The following SLC6A15 variants were observed in gnomAD, a reference collection of about 807,000 sequenced individuals.
SLC6A15 encodes sodium-dependent neutral amino acid transporter B(0)AT2.
Under a neutral mutation model 68.5 loss-of-function variants are expected in SLC6A15, and 33 were observed. The observed-to-expected ratio is 0.48, with a 90% CI of 0.37 to 0.64. The LOEUF is 0.64. Ranked by LOEUF, SLC6A15 falls within the 30% of genes least tolerant of loss-of-function variation. SLC6A15 has a pLI of 0.00. For synonymous variants in SLC6A15, 347 were observed against 301.0 expected (o/e 1.15, Z -1.58); for missense variants, 747 against 874.3 (o/e 0.85, Z 1.84).
At position 84,862,098 on chromosome 12, in the gene SLC6A15, A is replaced by C. The variant is rs577656550; in HGVS notation, c.1819-92T>G. 3.4e-5 allele frequency: 45 copies of C among 1,329,548 alleles called. No homozygotes were observed. The Admixed American group carries it at 8.9e-4, about 26-fold the overall frequency. The allele number at this position is 1,329,548 out of a possible 1,614,324, so 82.4% of individuals were successfully genotyped here. ...CTTGCTTCAAGTTTGTAAGCAAAGA[A>C]TCTGGGCTGGCTTTGTGACTTGCTT... is the stretch of plus-strand genomic sequence containing the variant. On this transcript the variant is annotated intron_variant, in intron 11 of 11. Coordinates refer to ENST00000266682, the MANE Select transcript of SLC6A15 (RefSeq NM_182767.6).
At chr12:84,885,306 A>T (rs2120643049) in intron 4 of SLC6A15, 129 bp downstream of exon 4, 2 of 882,976 alleles carry the variant, frequency 2.3e-6, no homozygotes, top group South Asian at 2.5e-5. Flanking sequence ...ATGTGAGCAA[A>T]GTCTGTTATA....
chr12:84,886,519 C>T (rs1872109357), intron 2 of SLC6A15, among the ~76,000 whole-genome samples: 1 of 150,486 alleles, frequency 6.6e-6, no homozygotes, highest in African/African-American at 2.4e-5. Flanking sequence ...GATTTTATGG[C>T]ATTAACGTTG....
chr12:84,895,132 T>C (rs573352815), intron 1 of SLC6A15, among the ~76,000 whole-genome samples: 3 of 152,022 alleles, frequency 2.0e-5, no homozygotes, highest in Non-Finnish European at 4.4e-5. Context: ...AGGGGAAGAA[T>C]TGTAATTAAC....
chr12:84,901,690 C>T (rs1203571023), intron 1 of SLC6A15, among the ~76,000 whole-genome samples: 2 of 151,680 alleles, frequency 1.3e-5, no homozygotes, highest in African/African-American at 4.8e-5. Context: ...CTGCATCTGA[C>T]ATATATGATG....
At chr12:84,886,649 T>C (rs978296280) in intron 2 of SLC6A15, among the ~76,000 whole-genome samples, 1 of 150,738 alleles carries the variant, frequency 6.6e-6, no homozygotes, top group African/African-American at 2.4e-5. Flanking sequence ...TTCCCATAAA[T>C]ACTACATAAA....
chr12:84,875,444 C>T (rs1053446889), intron 6 of SLC6A15, among the ~76,000 whole-genome samples: 2 of 151,664 alleles, frequency 1.3e-5, no homozygotes, highest in Non-Finnish European at 2.9e-5. Flanking sequence ...GCTTCTTTTA[C>T]GCAGTATCAA....
chr12:84,870,277 C>T (rs1871229798), intron 9 of SLC6A15, among the ~76,000 whole-genome samples: 1 of 148,680 alleles, frequency 6.7e-6, no homozygotes, highest in Non-Finnish European at 1.5e-5. Flanking sequence ...TTAAAACATC[C>T]ATATTATATT....
intron 1 of SLC6A15, among the ~76,000 whole-genome samples, chr12:84,896,433 TG>T (rs1437317426): frequency 6.6e-6 from 1 of 152,196 alleles, no homozygotes; most frequent in East Asian, 1.9e-4. Flanking sequence ...TTGTTATGGC[TG>T]ATTTTGTGCT....
At chr12:84,881,180 T>C (rs2120621067) in intron 5 of SLC6A15, 1 of 154,572 alleles carries the variant, frequency 6.5e-6, no homozygotes, top group Admixed American at 6.5e-5. Context: ...TTTGAGACAG[T>C]CATCCCCTTA....
At chr12:84,899,513 CT>C (rs1872763510) in intron 1 of SLC6A15, among the ~76,000 whole-genome samples, 1 of 152,168 alleles carries the variant, frequency 6.6e-6, no homozygotes, top group Non-Finnish European at 1.5e-5. Flanking sequence ...GTTTTCAGAA[CT>C]ATTTTCATTC....
chr12:84,895,452 C>T (rs946551779), intron 1 of SLC6A15, among the ~76,000 whole-genome samples: 4 of 141,898 alleles, frequency 2.8e-5, no homozygotes, highest in Admixed American at 7.6e-5. Context: ...CGAGTTCAAG[C>T]AATTCTCTGC....
chr12:84,905,334 AG>A (rs1308182538), intron 1 of SLC6A15, among the ~76,000 whole-genome samples: 1 of 152,220 alleles, frequency 6.6e-6, no homozygotes, highest in African/African-American at 2.4e-5. Context: ...CTACTGATGC[AG>A]GAAAGACAAA....
At chr12:84,880,752 T>C (rs893830794) in intron 5 of SLC6A15, 8 of 307,224 alleles carry the variant, frequency 2.6e-5, no homozygotes, top group Non-Finnish European at 3.8e-5. Flanking sequence ...TCAAAGCAAG[T>C]ACGTTAGTAA....
intron 1 of SLC6A15, among the ~76,000 whole-genome samples, chr12:84,910,564 G>C (rs375413641): frequency 6.6e-6 from 1 of 152,206 alleles, no homozygotes; most frequent in Non-Finnish European, 1.5e-5. Context: ...CTTGGTGAAA[G>C]CGAAACATTT....
Position 84,892,246 on chromosome 12 carries a change from C to G in SLC6A15, c.-126G>C. The G allele has an allele frequency of 1.1e-6, 1 of 895,568 alleles. No homozygotes were observed. The highest frequency in any genetic ancestry group is 2.6e-5 in the East Asian group (1 of 37,836). 55.5% of individuals were successfully genotyped at this position (895,568 alleles called of 1,614,324 possible). A position where few individuals can be genotyped will look rare whatever the true frequency, so the allele number is the denominator to read the frequency against. On this transcript the variant is annotated 5_prime_UTR_variant, in exon 2 of 12. Coordinates refer to ENST00000266682, the MANE Select transcript of SLC6A15 (RefSeq NM_182767.6). ...GACCGAGGATGATATCAAATAAATC[C>G]TTGATTCAAGGTGATAAAGCCTTAT...
chr12:84,904,120 C>T (rs1873015329), intron 1 of SLC6A15, among the ~76,000 whole-genome samples: 1 of 151,454 alleles, frequency 6.6e-6, no homozygotes, highest in Admixed American at 6.6e-5. Flanking sequence ...TCTGCTTTCC[C>T]TCTTTTGGAA....
intron 9 of SLC6A15, among the ~76,000 whole-genome samples, chr12:84,869,446 C>G (rs1448408660): frequency 1.8e-5 from 2 of 112,206 alleles, no homozygotes; most frequent in Admixed American, 1.4e-4. Flanking sequence ...GCCTGGGCGA[C>G]AGAGCAAGAC....
At chr12:84,887,187 T>C (rs1265063624) in intron 2 of SLC6A15, among the ~76,000 whole-genome samples, 1 of 152,262 alleles carries the variant, frequency 6.6e-6, no homozygotes, top group East Asian at 1.9e-4. Flanking sequence ...TTAAATGTAA[T>C]GGTCTTACAA....
At chr12:84,889,716 G>T (rs144347225) in intron 2 of SLC6A15, among the ~76,000 whole-genome samples, 1 of 152,070 alleles carries the variant, frequency 6.6e-6, no homozygotes, top group Non-Finnish European at 1.5e-5. Context: ...AAGAATCCTT[G>T]GAGATAGATA....
Sources: allele counts gnomAD v4.1 joint callset (sites outside exome capture counted in the v4.1 genomes callset), GRCh38; gene constraint gnomAD v4.1.1; transcripts MANE v1.5; gene names NCBI Gene and HGNC (gene_info 2026-07-23, HGNC 2026-07-21).